The following RUVBL1 variants were observed in gnomAD, a reference collection of about 807,000 sequenced individuals.
RUVBL1 encodes the protein ruvB-like 1.
Under a neutral mutation model 52.4 loss-of-function variants are expected in RUVBL1, and 4 were observed. The ratio of observed to expected loss-of-function variants is 0.08; its 90% CI spans 0.04 to 0.17. The LOEUF is 0.17. Among genes scored for constraint, RUVBL1 ranks in the 10% least tolerant of loss-of-function variants. The probability of loss-of-function intolerance (pLI) is 1.00; values close to 1 mark genes in which losing one functional copy is unlikely to be tolerated. For missense variants in RUVBL1, 298 were observed against 572.8 expected, an observed-to-expected ratio of 0.52 and a Z score of 4.90; for synonymous variants, 217 against 214.4, an observed-to-expected ratio of 1.01 and a Z score of -0.10.
At chr3:128,086,044 T>C (rs1365052439) in intron 9 of RUVBL1, among the ~76,000 whole-genome samples, 1 of 152,226 alleles carries the variant, frequency 6.6e-6, no homozygotes, top group African/African-American at 2.4e-5. Context: ...CTCACTCTGC[T>C]GGAGTGCAGT....
chr3:128,065,862 C>T (rs891112302), intron 9 of RUVBL1, among the ~76,000 whole-genome samples: 32 of 151,132 alleles, frequency 2.1e-4, no homozygotes, highest in African/African-American at 7.1e-4. Context: ...CTGCCTCAGC[C>T]TCCCGAGTAG....
chr3:128,099,938 G>A (rs1019792418), intron 6 of RUVBL1, among the ~76,000 whole-genome samples: 2 of 152,130 alleles, frequency 1.3e-5, no homozygotes, highest in African/African-American at 4.8e-5. Flanking sequence ...GTTTGGGGAT[G>A]GCCATTTCAC....
chr3:128,078,561 G>A (rs1005995169), downstream of RUVBL1, among the ~76,000 whole-genome samples: 1 of 152,196 alleles, frequency 6.6e-6, no homozygotes, highest in South Asian at 2.1e-4. Context: ...GAGAGCCTGC[G>A]CTGAGAGCCT....
chr3:128,102,065 C>T (rs756277535), intron 4 of RUVBL1, among the ~76,000 whole-genome samples: 2 of 152,240 alleles, frequency 1.3e-5, no homozygotes, highest in Non-Finnish European at 2.9e-5. Context: ...TTGAAATCAT[C>T]ATCCCTACTT....
intron 1 of RUVBL1, among the ~76,000 whole-genome samples, chr3:128,144,234 T>C (rs567406346): frequency 6.6e-6 from 1 of 152,320 alleles, no homozygotes; most frequent in African/African-American, 2.4e-5. Flanking sequence ...ATTTCACTCC[T>C]GAAAGACTCT....
intron 7 of RUVBL1, among the ~76,000 whole-genome samples, chr3:128,097,833 A>G (rs1219083264): frequency 6.6e-6 from 1 of 152,182 alleles, no homozygotes; most frequent in Non-Finnish European, 1.5e-5. Context: ...ATCACTTCCC[A>G]CATACCCAAT....
At chr3:128,101,192 A>G (rs953821595) in intron 5 of RUVBL1, among the ~76,000 whole-genome samples, 1 of 152,236 alleles carries the variant, frequency 6.6e-6, no homozygotes, top group Non-Finnish European at 1.5e-5. Context: ...TCCTTCCCAC[A>G]TGCATATATC....
At chr3:128,135,466 G>C (rs1943935041) in intron 1 of RUVBL1, among the ~76,000 whole-genome samples, 1 of 152,218 alleles carries the variant, frequency 6.6e-6, no homozygotes, top group Non-Finnish European at 1.5e-5. Context: ...CCAGGAGGCG[G>C]AAGTTGTAGT....
chr3:128,103,828 G>A (rs932333223), intron 4 of RUVBL1, among the ~76,000 whole-genome samples: 4 of 152,176 alleles, frequency 2.6e-5, no homozygotes, highest in Admixed American at 2.6e-4. Flanking sequence ...GACAATAAAT[G>A]TTTGTTGAAG....
rs186130848 is a variant in RUVBL1, at chr3:128,090,229, T to A, written c.1017-2421A>T. ...TGCTACATTAATGAATTGTTAAATC[T>A]AATGTAAAAAAATTAAAATCAGCCG... On this transcript the variant is annotated intron_variant, in intron 8 of 10. Transcript: ENST00000322623. 1.4e-4 allele frequency among the ~76,000 whole-genome samples: 21 copies of A among 152,328 alleles called. No homozygotes were observed. In the East Asian group the frequency reaches 4.1e-3, roughly 29 times the overall value.
At chr3:128,119,182 C>T in intron 2 of RUVBL1, 146 bp downstream of exon 2, 1 of 514,438 alleles carries the variant, frequency 1.9e-6, no homozygotes, top group South Asian at 3.2e-5. Flanking sequence ...TTTTAGATAC[C>T]CAATTGTATT....
intron 1 of RUVBL1, among the ~76,000 whole-genome samples, chr3:128,150,782 A>ATATATATTCTATATAT (rs1431221698): frequency 4.5e-4 from 43 of 94,754 alleles, no homozygotes; most frequent in East Asian, 1.1e-3. Context: ...TATATATTCT[A>ATATATATTCTATATAT]TATATATTCT....
intron 8 of RUVBL1, 60 bp downstream of exon 8, chr3:128,097,240 G>C (rs1354947174): frequency 2.0e-6 from 3 of 1,495,260 alleles, no homozygotes; most frequent in Non-Finnish European, 2.8e-6. Flanking sequence ...AGATCCTGAG[G>C]AACAAATGAG....
chr3:128,153,651 G>A, exon 1 of RUVBL1: 1 of 1,598,440 alleles, frequency 6.3e-7, no homozygotes, highest in Non-Finnish European at 8.5e-7. Flanking sequence ...GCGGCATCAC[G>A]CTCGATCTGG....
Position 128,067,281 on chromosome 3 carries a change from T to A in RUVBL1, c.940-2061A>T. Reference sequence around the variant, plus strand: ...TGTGCCTTTTACAAATTCAGCACATTAAATTATCTTTTCAGTAAAAAAATT... The same window carrying A: ...TGTGCCTTTTACAAATTCAGCACATAAAATTATCTTTTCAGTAAAAAAATT... On this transcript the variant is annotated intron_variant, in intron 9 of 9. Coordinates refer to the RUVBL1 transcript ENST00000464873. This position sits in a 1 kb window ranked among gnomAD's most constrained non-coding sequence, Gnocchi z 4.1. 1.6e-6 allele frequency: 2 copies of A among 1,286,460 alleles called. No individual in the cohort carries two copies. The highest frequency in any genetic ancestry group is 2.2e-6 in the Non-Finnish European group (2 of 917,098). 79.7% of individuals were successfully genotyped at this position (1,286,460 alleles called of 1,614,324 possible).
chr3:128,127,760 G>A (rs1943812605), upstream of RUVBL1, among the ~76,000 whole-genome samples: 1 of 152,184 alleles, frequency 6.6e-6, no homozygotes, highest in African/African-American at 2.4e-5. Flanking sequence ...ACTTTGGGAG[G>A]CCGAGGTGGG....
chr3:128,139,095 A>C (rs572383395), intron 1 of RUVBL1, among the ~76,000 whole-genome samples: 85 of 152,294 alleles, frequency 5.6e-4, no homozygotes, highest in Middle Eastern at 3.4e-3. Flanking sequence ...AAACCACTAA[A>C]ATAAAACATT....
chr3:128,131,659 T>A (rs887025270), intron 1 of RUVBL1, among the ~76,000 whole-genome samples: 12 of 152,282 alleles, frequency 7.9e-5, no homozygotes, highest in African/African-American at 2.9e-4. Flanking sequence ...ATTCTAGGAA[T>A]ACAAAGGTGG....
At chr3:128,121,587 G>A (rs1431054215) in intron 1 of RUVBL1, among the ~76,000 whole-genome samples, 1 of 151,224 alleles carries the variant, frequency 6.6e-6, no homozygotes, top group African/African-American at 2.4e-5. Context: ...GTAGGCGCCT[G>A]TAATCCCAGC....
Sources: gnomAD v4.1 joint callset for allele counts (sites outside exome capture counted in the v4.1 genomes callset) on GRCh38, gnomAD v4.1.1 for gene constraint, Gnocchi (gnomAD v3.1) non-coding constraint, MANE v1.5 for transcripts, NCBI Gene and HGNC (gene_info 2026-07-23, HGNC 2026-07-21) for gene names.